CSMD1: variants seen among roughly 807,000 people sequenced by gnomAD.
CSMD1 encodes the protein CUB and sushi domain-containing protein 1.
A neutral mutation model predicts 417.5 loss-of-function variants in CSMD1; 213 were observed. The ratio of observed to expected loss-of-function variants is 0.51; its 90% CI spans 0.46 to 0.57. The LOEUF (loss-of-function observed/expected upper bound fraction) is 0.57. Ranked by LOEUF, CSMD1 falls within the 20% of genes least tolerant of loss-of-function variation. The probability of loss-of-function intolerance (pLI) is 0.00; values close to 1 mark genes in which losing one functional copy is unlikely to be tolerated. For missense variants in CSMD1, 6,923 were observed against 4,529.7 expected (o/e 1.53, Z -15.17); for synonymous variants, 2,862 against 1,736.8 (o/e 1.65, Z -16.11).
intron 2 of CSMD1, among the ~76,000 whole-genome samples, chr8:4,589,740 C>T (rs954679342): frequency 6.6e-6 from 1 of 151,968 alleles, no homozygotes; most frequent in Non-Finnish European, 1.5e-5. Flanking sequence ...ATTATCACGG[C>T]CAAAAAAATG....
chr8:3,393,150 C>T (rs963999963), intron 17 of CSMD1, among the ~76,000 whole-genome samples: 1 of 152,180 alleles, frequency 6.6e-6, no homozygotes, highest in Non-Finnish European at 1.5e-5. Context: ...TCCCTTAAGT[C>T]AGAGGAATAG....
intron 21 of CSMD1, among the ~76,000 whole-genome samples, chr8:3,354,674 G>T (rs544596290): frequency 6.6e-6 from 1 of 151,538 alleles, no homozygotes; most frequent in Non-Finnish European, 1.5e-5. Context: ...GCCGTTATTG[G>T]ATTAGCTTTT....
chr8:4,257,112 A>G lies in CSMD1; in HGVS notation c.415+162841T>C, dbSNP rs149718865. ...TTTAATACCACACTCGCCATACTCT[A>G]TATGAGTCATACTCACCACATTTGT... On this transcript the variant is annotated intron_variant, in intron 3 of 69. Transcript: ENST00000635120. Among the ~76,000 whole-genome samples, 271 of 152,308 alleles carry G rather than the reference A, an allele frequency of 1.8e-3. 2 individuals are homozygous for G. Among genetic ancestry groups the G allele is most frequent in the African/African-American group, 6.2e-3 (257 of 41,554 alleles).
intron 3 of CSMD1, among the ~76,000 whole-genome samples, chr8:4,184,140 A>T (rs1237655192): frequency 6.6e-6 from 1 of 152,236 alleles, no homozygotes; most frequent in Non-Finnish European, 1.5e-5. Flanking sequence ...ATTAAAATAT[A>T]TAAATGCATA....
chr8:4,741,385 A>C (rs568346441), intron 1 of CSMD1, among the ~76,000 whole-genome samples: 2 of 152,368 alleles, frequency 1.3e-5, no homozygotes, highest in East Asian at 3.9e-4. Context: ...GGACACTATT[A>C]TTCTTGCCAC....
chr8:4,446,877 TC>T (rs1347825370), intron 2 of CSMD1, among the ~76,000 whole-genome samples: 5 of 150,744 alleles, frequency 3.3e-5, no homozygotes, highest in African/African-American at 1.2e-4. Context: ...CGCCTTGGCC[TC>T]CCAATGTTCT....
chr8:4,359,578 T>C (rs73508619), intron 3 of CSMD1, among the ~76,000 whole-genome samples: 1 of 152,148 alleles, frequency 6.6e-6, no homozygotes, highest in Non-Finnish European at 1.5e-5. Flanking sequence ...CCTTGGAGAT[T>C]ACATGGTGTT....
At chr8:4,616,208 C>T (rs1414036109) in intron 2 of CSMD1, among the ~76,000 whole-genome samples, 4 of 151,930 alleles carry the variant, frequency 2.6e-5, no homozygotes, top group Admixed American at 1.3e-4. Flanking sequence ...TTTGAAGTTC[C>T]GCACTTTACT....
chr8:4,033,527 G>C (rs573261596), intron 3 of CSMD1, among the ~76,000 whole-genome samples: 122 of 152,244 alleles, frequency 8.0e-4, no homozygotes, highest in South Asian at 4.8e-3. Context: ...CGCCTTTCCA[G>C]ACCAAACCAA....
intron 3 of CSMD1, among the ~76,000 whole-genome samples, chr8:4,367,393 C>A (rs563586010): frequency 1.3e-5 from 2 of 152,060 alleles, no homozygotes; most frequent in South Asian, 4.2e-4. Flanking sequence ...ATTTCTGGGT[C>A]CTCTCTCATT....
intron 46 of CSMD1, among the ~76,000 whole-genome samples, chr8:3,103,747 T>A (rs202090403): frequency 0.037 from 4,674 of 125,726 alleles, 111 homozygotes; most frequent in African/African-American, 0.092. Flanking sequence ...TCCTTTTTTT[T>A]TTAAAAAAAA....
rs1214609777 is a variant in CSMD1 at position 3,444,596 on chromosome 8, T to A, written c.1561+24116A>T. Among the ~76,000 whole-genome samples the A allele has an allele frequency of 3.9e-5, 6 of 152,234 alleles. No homozygotes were observed. In the South Asian group the frequency reaches 1.0e-3, roughly 26 times the overall value. On this transcript the variant is annotated intron_variant, in intron 12 of 69. Transcript: ENST00000635120. Reference sequence around the variant, plus strand: ...CTGGTATCTGGTGGGTCAAGGCCAATGATGCTCCTAAAAACCTACAGTCAC... The same window carrying A: ...CTGGTATCTGGTGGGTCAAGGCCAAAGATGCTCCTAAAAACCTACAGTCAC...
chr8:3,733,955 GAAACTTATC>G (rs1397265507), intron 6 of CSMD1, among the ~76,000 whole-genome samples: 1 of 152,088 alleles, frequency 6.6e-6, no homozygotes, highest in East Asian at 1.9e-4. Context: ...CTGGGGTCCT[GAAACTTATC>G]CTTCAAGGAT....
chr8:4,814,222 G>GTC (rs1166648397), intron 1 of CSMD1, among the ~76,000 whole-genome samples: 3 of 151,962 alleles, frequency 2.0e-5, no homozygotes, highest in African/African-American at 7.3e-5. Context: ...GTGTGTGCGT[G>GTC]TGCGTGTGCG....
chr8:3,949,516 A>G (rs766641211), intron 5 of CSMD1, among the ~76,000 whole-genome samples: 3 of 152,196 alleles, frequency 2.0e-5, no homozygotes, highest in Non-Finnish European at 4.4e-5. Context: ...GTCAGGAGCA[A>G]AGAGAGAAGC....
intron 3 of CSMD1, among the ~76,000 whole-genome samples, chr8:4,200,324 G>C (rs139814102): frequency 1.3e-5 from 2 of 152,028 alleles, no homozygotes; most frequent in Non-Finnish European, 2.9e-5. Flanking sequence ...ACTTAGATAT[G>C]GTATGCTGTG....
chr8:3,336,255 G>A (rs1807256130), intron 23 of CSMD1, among the ~76,000 whole-genome samples: 1 of 152,104 alleles, frequency 6.6e-6, no homozygotes, highest in Admixed American at 6.5e-5. Context: ...CAGTCCCTTT[G>A]CAACTTGGGG....
chr8:3,722,051 A>C (rs1391717737), intron 6 of CSMD1, among the ~76,000 whole-genome samples: 2 of 152,186 alleles, frequency 1.3e-5, no homozygotes, highest in African/African-American at 4.8e-5. Context: ...TGTCAGAAGC[A>C]TAAGGAAGAG....
At chr8:3,663,374 C>T (rs962571012) in intron 7 of CSMD1, among the ~76,000 whole-genome samples, 3 of 151,998 alleles carry the variant, frequency 2.0e-5, no homozygotes. Context: ...TATAAAGGGG[C>T]ACTTCTGTAA....
Sources: allele counts gnomAD v4.1 joint callset (sites outside exome capture counted in the v4.1 genomes callset), GRCh38; gene constraint gnomAD v4.1.1; transcripts MANE v1.5; gene names NCBI Gene and HGNC (gene_info 2026-07-23, HGNC 2026-07-21).